ADGRG1: variants seen among roughly 807,000 people sequenced by gnomAD.
The protein encoded by ADGRG1 is 7-transmembrane protein with no EGF-like N-terminal domains-1.
Under a neutral mutation model 73.5 loss-of-function variants are expected in ADGRG1, and 53 were observed. The ratio of observed to expected loss-of-function variants is 0.72; its 90% CI spans 0.58 to 0.91. The LOEUF is 0.91. ADGRG1 is among the 40% of genes least tolerant of loss of function. The pLI, the probability that ADGRG1 is intolerant of heterozygous loss-of-function variation, is 0.00. For synonymous variants in ADGRG1, 394 were observed against 374.4 expected, an observed-to-expected ratio of 1.05 and a Z score of -0.60; for missense variants, 795 against 871.8, an observed-to-expected ratio of 0.91 and a Z score of 1.11.
chr16:57,638,707 C>A (rs1444483110), intron 1 of ADGRG1, among the ~76,000 whole-genome samples: 1 of 152,206 alleles, frequency 6.6e-6, no homozygotes, highest in Non-Finnish European at 1.5e-5. Context: ...AGGCTGGCAG[C>A]TTCCAGAAGC....
Position 57,651,326 on chromosome 16 carries a change from C to T in ADGRG1, c.191C>T (p.Ala64Val), listed in dbSNP as rs199870082. 2.4e-5 allele frequency: 38 copies of T among 1,614,200 alleles called. No homozygotes were observed. Among genetic ancestry groups the T allele is most frequent in the Middle Eastern group, 1.6e-4 (1 of 6,062 alleles). Reference protein sequence around the residue: ...LRISIENSEEALTVHAPFPAA... With the variant: ...LRISIENSEEVLTVHAPFPAA... ...ATCTCCATCGAGAACTCCGAAGAGG[C>T]CCTCACAGTCCATGCCCCTTTCCCT... Residue 64 changes from alanine to valine, a missense_variant, in exon 3 of 14, where the codon GCC becomes GTC. Ala to Val is a moderately conservative substitution (Grantham distance 64, BLOSUM62 0). Transcript: ENST00000562631.
Position 57,659,684 on chromosome 16 carries a change from A to G in ADGRG1, c.1555+3A>G, listed in dbSNP as rs1225295917. The G allele has an allele frequency of 6.2e-7, 1 of 1,613,558 alleles. No individual in the cohort carries two copies. The highest frequency in any genetic ancestry group is 8.5e-7 in the Non-Finnish European group (1 of 1,179,880). ...CAAGCTGAGCGCCATGGGCTGGGGT[A>G]AGTGGTTGGGCGGGGGGTGCCTCAG... is the stretch of plus-strand genomic sequence containing the variant. On this transcript the variant is annotated splice_donor_region_variant and intron_variant, in intron 11 of 13. Transcript: ENST00000562631.
chr16:57,640,973 G>A (rs1355149867), intron 1 of ADGRG1: 2 of 985,436 alleles, frequency 2.0e-6, no homozygotes, highest in Middle Eastern at 5.2e-4. Context: ...CCAGACAACT[G>A]AGGTCCGGCT....
intron 1 of ADGRG1, chr16:57,647,581 GAGA>G (rs1567735641): frequency 2.4e-6 from 1 of 415,262 alleles, no homozygotes. Context: ...GCGAGGCCCA[GAGA>G]AGGTGAGTAA....
At chr16:57,637,353 A>T (rs1476412403) in intron 1 of ADGRG1, 1 of 985,002 alleles carries the variant, frequency 1.0e-6, no homozygotes, top group Non-Finnish European at 1.2e-6. Context: ...TATGAGTGGG[A>T]TGTTTAGGGA....
At chr16:57,636,597 G>A in intron 1 of ADGRG1, 1 of 985,150 alleles carries the variant, frequency 1.0e-6, no homozygotes, top group Non-Finnish European at 1.2e-6. Flanking sequence ...TGGCACTTTT[G>A]GGTTGGATCT....
At chr16:57,637,355 G>A in intron 1 of ADGRG1, 1 of 985,198 alleles carries the variant, frequency 1.0e-6, no homozygotes, top group Non-Finnish European at 1.2e-6. Context: ...TGAGTGGGAT[G>A]TTTAGGGACT....
At chr16:57,633,660 T>C in intron 1 of ADGRG1, 2 of 255,288 alleles carry the variant, frequency 7.8e-6, no homozygotes, top group Non-Finnish European at 1.2e-5. Flanking sequence ...ATGAGGCTGG[T>C]AATGGCATCC....
rs1286964123 is a variant in ADGRG1 at position 57,654,268 on chromosome 16, G to A, written c.768+135G>A. The A allele has an allele frequency of 2.3e-5, 19 of 838,680 alleles. 1 individual carries two copies. Among genetic ancestry groups the A allele is most frequent in the Admixed American group, 5.0e-5 (2 of 39,698 alleles). 52.0% of individuals were successfully genotyped at this position (838,680 alleles called of 1,614,324 possible). ...GGCCTCCCGAGAAGGTTCCAGGCCC[G>A]AGGATAGCCATCCTAAGTCAGTAGT... On this transcript the variant is annotated intron_variant, in intron 5 of 13. Transcript: ENST00000562631.
chr16:57,653,027 G>A, intron 3 of ADGRG1, 176 bp from the exon 4 acceptor site: 1 of 1,478,546 alleles, frequency 6.8e-7, no homozygotes, highest in East Asian at 2.4e-5. Flanking sequence ...CCCACGGGTT[G>A]GCCTCATCTG....
At position 57,656,219 on chromosome 16, in the gene ADGRG1, C is replaced by T. The variant is rs1238940592; in HGVS notation, c.1018-7C>T. 1 of 1,613,446 alleles carries T rather than the reference C, an allele frequency of 6.2e-7. No homozygotes were observed. The highest frequency in any genetic ancestry group is 2.2e-5 in the East Asian group (1 of 44,886). On this transcript the variant is annotated splice_region_variant and splice_polypyrimidine_tract_variant and intron_variant, in intron 7 of 13. Transcript: ENST00000562631. ...ACAGAAACCACTCTCCTTTCTTGTC[C>T]CTACAGAAGAATGTGACTCTGCAAT...
At chr16:57,639,935 GT>G in intron 1 of ADGRG1, 6 of 861,392 alleles carry the variant, frequency 7.0e-6, no homozygotes, top group Non-Finnish European at 7.0e-6. Context: ...GACTTGGGCA[GT>G]TTAAGACAGC....
At position 57,652,034 on chromosome 16, in the gene ADGRG1, C is replaced by T. The variant is rs941301036; in HGVS notation, c.487+412C>T. ...AGTGTAGACTGTTTATTTCCTTTCACAGAGGAGGAAACTGGGGCACAGAGA... is the reference window on the plus strand; with the variant it reads ...AGTGTAGACTGTTTATTTCCTTTCATAGAGGAGGAAACTGGGGCACAGAGA... On this transcript the variant is annotated intron_variant, in intron 3 of 13. Coordinates refer to ENST00000562631, the MANE Select transcript of ADGRG1 (RefSeq NM_201525.4). 8 of 1,084,726 alleles carry T rather than the reference C, an allele frequency of 7.4e-6. No individual in the cohort carries two copies. The African/African-American group carries it at 1.3e-4, about 18-fold the overall frequency. The allele number at this position is 1,084,726 out of a possible 1,614,324, so 67.2% of individuals were successfully genotyped here. A position where few individuals can be genotyped will look rare whatever the true frequency, so the allele number is the denominator to read the frequency against.
intron 12 of ADGRG1, chr16:57,661,310 C>A: frequency 2.0e-6 from 2 of 985,318 alleles, no homozygotes; most frequent in Non-Finnish European, 2.4e-6. Flanking sequence ...AGTCCTTCTC[C>A]ACTCACCTGA....
chr16:57,649,427 G>C (rs187348511), intron 1 of ADGRG1, among the ~76,000 whole-genome samples: 58 of 152,216 alleles, frequency 3.8e-4, no homozygotes, highest in Admixed American at 1.2e-3. Context: ...GAGGGGCTTT[G>C]GCCAGTGGTG....
At chr16:57,632,682 G>A (rs1212385602) in intron 1 of ADGRG1, 17 of 653,868 alleles carry the variant, frequency 2.6e-5, no homozygotes, top group Non-Finnish European at 2.8e-5. Flanking sequence ...TGTGGTGGGC[G>A]TCGGGCTCCC....
chr16:57,642,520 G>T (rs140559307), intron 1 of ADGRG1: 15 of 981,390 alleles, frequency 1.5e-5, no homozygotes, highest in Non-Finnish European at 1.8e-5. Flanking sequence ...TGCAAAAAAG[G>T]CTCTACCTTC....
In ADGRG1 at chr16:57,659,509, C is replaced by A; in HGVS notation, c.1383C>A (p.Ala461=). 1.2e-6 allele frequency: 2 copies of A among 1,613,944 alleles called. No individual in the cohort carries two copies. Among genetic ancestry groups the A allele is most frequent in the Non-Finnish European group, 1.7e-6 (2 of 1,179,896 alleles). The change falls in exon 11 of 14, where the codon GCC becomes GCA. Residue 461 remains alanine (A), a synonymous_variant. Coordinates refer to ENST00000562631, the MANE Select transcript of ADGRG1 (RefSeq NM_201525.4). ...DTSFLLSEPV[A]LTGSEAGCRA... ...GCTTCCTGCTCAGCGAGCCGGTGGC[C>A]CTGACAGGCTCTGAGGCTGGCTGCC...
chr16:57,664,589 G>A lies in ADGRG1; in HGVS notation c.*1007G>A, dbSNP rs1043540. On this transcript the variant is annotated 3_prime_UTR_variant, in exon 14 of 14. Coordinates refer to ENST00000562631, the MANE Select transcript of ADGRG1 (RefSeq NM_201525.4). ...ACCTCCTCTGGTGACACTGGCCTAG[G>A]GCCTGACACTCTCCTAAGAGGTTCT... The A allele has an allele frequency of 0.57, 87,175 of 152,254 alleles. 25,575 individuals carry two copies. The highest frequency in any genetic ancestry group is 0.74 in the East Asian group (3,807 of 5,166). 9.4% of individuals were successfully genotyped at this position (152,254 alleles called of 1,614,324 possible).
Sources: allele counts gnomAD v4.1 joint callset (sites outside exome capture counted in the v4.1 genomes callset), GRCh38; gene constraint gnomAD v4.1.1; transcripts MANE v1.5; gene names NCBI Gene and HGNC (gene_info 2026-07-23, HGNC 2026-07-21).